The following KPNA5 variants were observed in gnomAD, a reference collection of about 807,000 sequenced individuals.
The protein encoded by KPNA5 is karyopherin subunit alpha 5.
In KPNA5, 46 loss-of-function variants were observed where a neutral mutation model predicts 71.3. The ratio of observed to expected loss-of-function variants is 0.65; its 90% CI spans 0.51 to 0.83. The LOEUF is 0.83. Among genes scored for constraint, KPNA5 ranks in the 40% least tolerant of loss-of-function variants. The probability of loss-of-function intolerance (pLI) is 0.00; values close to 1 mark genes in which losing one functional copy is unlikely to be tolerated. For synonymous variants in KPNA5, 207 were observed against 201.4 expected (o/e 1.03, Z -0.24); for missense variants, 547 against 628.3 (o/e 0.87, Z 1.38).
chr6:116,681,301 CTG>C lies in KPNA5; in HGVS notation c.-33_-32del. ...CCGCCACACACGTCGCCGCTGGGGA[CTG>C]GGAAATCAGGGCATCGGAGAGTGCC... On this transcript the variant is annotated 5_prime_UTR_variant, in exon 1 of 14. Transcript: ENST00000368564. 2 of 1,610,480 alleles carry C rather than the reference CTG, an allele frequency of 1.2e-6. No individual in the cohort carries two copies. Among genetic ancestry groups the C allele is most frequent in the Non-Finnish European group, 1.7e-6 (2 of 1,177,984 alleles).
At chr6:116,698,425 G>C (rs1331529262) in intron 4 of KPNA5, among the ~76,000 whole-genome samples, 1 of 151,906 alleles carries the variant, frequency 6.6e-6, no homozygotes, top group Non-Finnish European at 1.5e-5. Flanking sequence ...ATGTTTTAAA[G>C]GTGTGCTCAA....
In KPNA5 at chr6:116,732,106, A is replaced by AAC. The variant is rs779834234; in HGVS notation, c.1433-30_1433-29insAC. ...TATATATATATATATATATATATAT[A>AAC]TATATATATATATATACTTTGTATA... On this transcript the variant is annotated intron_variant, in intron 13 of 13. Coordinates refer to ENST00000368564, the MANE Select transcript of KPNA5 (RefSeq NM_001366306.2). The AAC allele has an allele frequency of 6.3e-4, 103 of 162,862 alleles. 26 individuals carry two copies. Among genetic ancestry groups the AAC allele is most frequent in the Non-Finnish European group, 6.9e-5 (6 of 87,426 alleles). 10.1% of individuals were successfully genotyped at this position (162,862 alleles called of 1,614,324 possible).
Position 116,732,925 on chromosome 6 carries a change from A to T in KPNA5, c.*602A>T, listed in dbSNP as rs1026165666. On this transcript the variant is annotated 3_prime_UTR_variant, in exon 14 of 14. Coordinates refer to ENST00000368564, the MANE Select transcript of KPNA5 (RefSeq NM_001366306.2). ...CTATAAAATTTATTTATAAAACAGA[A>T]GAAATATTATACTGATAATCCATTA... 1 of 151,956 alleles carries T rather than the reference A, an allele frequency of 6.6e-6. No homozygotes were observed. The highest frequency in any genetic ancestry group is 1.5e-5 in the Non-Finnish European group (1 of 67,874). The allele number at this position is 151,956 out of a possible 1,614,324, so 9.4% of individuals were successfully genotyped here.
intron 7 of KPNA5, among the ~76,000 whole-genome samples, chr6:116,711,814 G>A (rs954835024): frequency 9.2e-5 from 14 of 151,998 alleles, no homozygotes; most frequent in African/African-American, 3.1e-4. Flanking sequence ...TAGAAATGAG[G>A]TTTTGCCACG....
At chr6:116,714,259 T>A (rs1778807270) in intron 7 of KPNA5, among the ~76,000 whole-genome samples, 1 of 152,208 alleles carries the variant, frequency 6.6e-6, no homozygotes, top group South Asian at 2.1e-4. Context: ...TTATAAAGCC[T>A]CTATTCCTTG....
rs982785786 is a variant in KPNA5 at position 116,691,916 on chromosome 6, G to A, written c.139-139G>A. On this transcript the variant is annotated intron_variant, in intron 2 of 13. Coordinates refer to ENST00000368564, the MANE Select transcript of KPNA5 (RefSeq NM_001366306.2). ...TAGATCTTCCTAGTATAATGATTGG[G>A]AAATACTCAAATATTCAGAATTTTA... 11 of 674,252 alleles carry A rather than the reference G, an allele frequency of 1.6e-5. No homozygotes were observed. The African/African-American group carries it at 2.0e-4, about 12-fold the overall frequency. The allele number at this position is 674,252 out of a possible 1,614,324, so 41.8% of individuals were successfully genotyped here.
intron 11 of KPNA5, 79 bp from the exon 12 acceptor site, chr6:116,726,416 A>G: frequency 8.6e-7 from 1 of 1,159,356 alleles, no homozygotes; most frequent in African/African-American, 1.6e-5. Context: ...TTTTGAAGCC[A>G]TTGAGTTTCA....
rs566187047 is a variant in KPNA5, at chr6:116,687,765, A to T, written c.5-1555A>T. On this transcript the variant is annotated intron_variant, in intron 1 of 13. Transcript: ENST00000368564. ...TTCATTTGGCCTCTAATTTTTACTG[A>T]ATCAATTTCAGAAATATTTCTAGAA... Among the ~76,000 whole-genome samples the T allele has an allele frequency of 7.9e-5, 12 of 152,288 alleles. No individual in the cohort carries two copies. In the South Asian group the frequency reaches 2.5e-3, roughly 32 times the overall value.
rs1688731515 is a variant in KPNA5 at position 116,737,732 on chromosome 6, T to C, written c.*5409T>C. ...GTTTGGCTTAAAGCAGAAGTTAGCA[T>C]ACCAATCTATGTTCTTTTTAAAATC... On this transcript the variant is annotated 3_prime_UTR_variant, in exon 14 of 14. Transcript: ENST00000368564. 6.6e-6 allele frequency: 1 copy of C among 151,966 alleles called. No individual in the cohort carries two copies. The highest frequency in any genetic ancestry group is 2.1e-4 in the South Asian group (1 of 4,824). The allele number at this position is 151,966 out of a possible 1,614,324, so 9.4% of individuals were successfully genotyped here. A position where few individuals can be genotyped will look rare whatever the true frequency, so the allele number is the denominator to read the frequency against.
At chr6:116,688,043 T>G (rs180889319) in intron 1 of KPNA5, among the ~76,000 whole-genome samples, 2 of 152,286 alleles carry the variant, frequency 1.3e-5, no homozygotes, top group African/African-American at 4.8e-5. Flanking sequence ...TTCTTGGTTA[T>G]GCAAGGCTTC....
chr6:116,688,666 A>C (rs1397503683), intron 1 of KPNA5, among the ~76,000 whole-genome samples: 1 of 152,170 alleles, frequency 6.6e-6, no homozygotes, highest in Non-Finnish European at 1.5e-5. Flanking sequence ...TTAATGTTTT[A>C]AAATACATTT....
rs1466508255 is a variant in KPNA5, at chr6:116,689,460, G to A, written c.138+7G>A. 3.2e-6 allele frequency: 5 copies of A among 1,540,540 alleles called. No individual in the cohort carries two copies. The highest frequency in any genetic ancestry group is 2.3e-5 in the East Asian group (1 of 43,098). Reference sequence around the variant, plus strand: ...ACAAAAAAGAGAAGAACAGGTAGGTGTTTTTAGCTATTTAATTTTGTTTTT... The same window carrying A: ...ACAAAAAAGAGAAGAACAGGTAGGTATTTTTAGCTATTTAATTTTGTTTTT... On this transcript the variant is annotated splice_region_variant and intron_variant, in intron 2 of 13. Coordinates refer to ENST00000368564, the MANE Select transcript of KPNA5 (RefSeq NM_001366306.2).
At chr6:116,684,647 G>T (rs977092005) in intron 1 of KPNA5, among the ~76,000 whole-genome samples, 9 of 152,028 alleles carry the variant, frequency 5.9e-5, no homozygotes, top group Non-Finnish European at 8.8e-5. Flanking sequence ...GCTAAAATAT[G>T]ATGGTCCCCA....
chr6:116,693,278 ATT>A (rs1173271426), intron 4 of KPNA5, among the ~76,000 whole-genome samples: 1 of 152,144 alleles, frequency 6.6e-6, no homozygotes, highest in Non-Finnish European at 1.5e-5. Context: ...GTCAAATGGT[ATT>A]TCTAGTTCTA....
At chr6:116,711,565 T>TGTGTG (rs1243794649) in intron 7 of KPNA5, among the ~76,000 whole-genome samples, 1 of 151,536 alleles carries the variant, frequency 6.6e-6, no homozygotes, top group East Asian at 1.9e-4. Context: ...TGTGTGTGTG[T>TGTGTG]TTTAACTCAC....
rs766734819 is a variant in KPNA5, at chr6:116,692,203, G to A, written c.240+47G>A. On this transcript the variant is annotated intron_variant, in intron 3 of 13. Transcript: ENST00000368564. ...TTCAAATTATACCTCAATAATTTTA[G>A]CAATAGTATGTATAACAAATATTTA... is the stretch of plus-strand genomic sequence containing the variant. 5 of 1,434,478 alleles carry A rather than the reference G, an allele frequency of 3.5e-6. No homozygotes were observed. The Admixed American group carries it at 7.4e-5, about 21-fold the overall frequency. The allele number at this position is 1,434,478 out of a possible 1,614,324, so 88.9% of individuals were successfully genotyped here.
intron 12 of KPNA5, among the ~76,000 whole-genome samples, chr6:116,728,911 G>T (rs934425455): frequency 6.6e-6 from 1 of 151,944 alleles, no homozygotes; most frequent in African/African-American, 2.4e-5. Context: ...TTACATTATA[G>T]AGTACAGAAA....
At chr6:116,700,937 T>C (rs1025855857) in intron 5 of KPNA5, among the ~76,000 whole-genome samples, 2 of 152,228 alleles carry the variant, frequency 1.3e-5, no homozygotes, top group Admixed American at 6.5e-5. Context: ...TTATGTTTAA[T>C]TGGTTGCTGG....
rs369581615 is a variant in KPNA5, at chr6:116,688,464, G to T, written c.5-856G>T. On this transcript the variant is annotated intron_variant, in intron 1 of 13. Coordinates refer to ENST00000368564, the MANE Select transcript of KPNA5 (RefSeq NM_001366306.2). ...CCTGCTTTAGGCAGATTTTGTGTGT[G>T]TGTGATGTGTAAGTCCAGAATAGGT... 1.1e-4 allele frequency among the ~76,000 whole-genome samples: 16 copies of T among 152,190 alleles called. 1 individual carries two copies. The East Asian group carries it at 2.1e-3, about 20-fold the overall frequency.
Sources: gnomAD v4.1 joint callset for allele counts (sites outside exome capture counted in the v4.1 genomes callset) on GRCh38, gnomAD v4.1.1 for gene constraint, MANE v1.5 for transcripts, NCBI Gene and HGNC (gene_info 2026-07-23, HGNC 2026-07-21) for gene names.